MAP2K3: variants seen among roughly 807,000 people sequenced by gnomAD.
MAP2K3 encodes mitogen-activated protein kinase kinase 3.
In MAP2K3, 30 loss-of-function variants were observed where a neutral mutation model predicts 46.4. The observed-to-expected ratio is 0.65, with a 90% confidence interval of 0.48 to 0.88. The LOEUF is 0.88. MAP2K3 is among the 40% of genes least tolerant of loss of function. The probability of loss-of-function intolerance (pLI) is 0.00; values close to 1 mark genes in which losing one functional copy is unlikely to be tolerated. For missense variants in MAP2K3, 380 were observed against 464.5 expected (o/e 0.82, Z 1.67); for synonymous variants, 189 against 176.3 (o/e 1.07, Z -0.57).
At chr17:21,295,726 T>C in intron 1 of MAP2K3, 4 of 1,289,570 alleles carry the variant, frequency 3.1e-6, no homozygotes, top group Non-Finnish European at 4.0e-6. Context: ...GCGAGGAGCG[T>C]GGTCCCCACC....
At position 21,313,397 on chromosome 17, in the gene MAP2K3, C is replaced by T. The variant is rs546549156; in HGVS notation, c.915-95C>T. ...CCCTGGGTGCACGTGTCCCCTGCTG[C>T]TAGGCCTGGGGCAATCCTGGGGTGG... On this transcript the variant is annotated intron_variant, in intron 10 of 11. Transcript: ENST00000342679. The T allele has an allele frequency of 2.7e-4, 268 of 1,007,990 alleles. No homozygotes were observed. The African/African-American group carries it at 4.0e-3, about 15-fold the overall frequency. 62.4% of individuals were successfully genotyped at this position (1,007,990 alleles called of 1,614,324 possible).
At chr17:21,310,760 C>T (rs932702802) in intron 9 of MAP2K3, among the ~76,000 whole-genome samples, 8 of 152,368 alleles carry the variant, frequency 5.3e-5, no homozygotes, top group East Asian at 1.9e-4. Flanking sequence ...CGGCCCCTGG[C>T]GCTGGACATT....
intron 5 of MAP2K3, among the ~76,000 whole-genome samples, chr17:21,301,237 G>C (rs1976582400): frequency 6.6e-6 from 1 of 152,310 alleles, no homozygotes; most frequent in Non-Finnish European, 1.5e-5. Flanking sequence ...ACATGGCCTG[G>C]GGCCTGGCAT....
intron 9 of MAP2K3, among the ~76,000 whole-genome samples, chr17:21,307,774 T>C (rs1976965744): frequency 6.7e-6 from 1 of 148,862 alleles, no homozygotes; most frequent in Non-Finnish European, 1.5e-5. Context: ...GCCTCCTAGG[T>C]TCAAGTGATT....
At chr17:21,311,368 G>A (rs1398058688) in intron 9 of MAP2K3, among the ~76,000 whole-genome samples, 8 of 151,962 alleles carry the variant, frequency 5.3e-5, no homozygotes, top group Non-Finnish European at 1.2e-4. Flanking sequence ...TAGCTAGTCC[G>A]TCCCTTCCAT....
intron 1 of MAP2K3, among the ~76,000 whole-genome samples, chr17:21,292,295 A>G (rs1211816523): frequency 6.6e-6 from 1 of 152,304 alleles, no homozygotes; most frequent in African/African-American, 2.4e-5. Context: ...CCTTTATCAC[A>G]CAGTGCAGGA....
At chr17:21,299,692 A>G (rs1976480797) in intron 3 of MAP2K3, among the ~76,000 whole-genome samples, 1 of 149,700 alleles carries the variant, frequency 6.7e-6, no homozygotes, top group Non-Finnish European at 1.5e-5. Flanking sequence ...AAAAAAAAAA[A>G]AAAAAAAGAG....
At chr17:21,296,596 T>A (rs1040918696) in intron 1 of MAP2K3, among the ~76,000 whole-genome samples, 4 of 152,308 alleles carry the variant, frequency 2.6e-5, no homozygotes, top group Non-Finnish European at 5.9e-5. Flanking sequence ...GCCAGACCCC[T>A]GACTTGCTGT....
chr17:21,303,149 C>A, intron 6 of MAP2K3, 34 bp from the exon 7 acceptor site: 3 of 1,613,968 alleles, frequency 1.9e-6, no homozygotes. Context: ...ATAACAGAGT[C>A]CTGTCTCTTC....
intron 6 of MAP2K3, 33 bp from the exon 7 acceptor site, chr17:21,303,150 C>T (rs1166945140): frequency 6.2e-7 from 1 of 1,613,994 alleles, no homozygotes; most frequent in East Asian, 2.2e-5. Flanking sequence ...TAACAGAGTC[C>T]TGTCTCTTCC....
At chr17:21,286,496 C>G (rs1028235236) in intron 1 of MAP2K3, among the ~76,000 whole-genome samples, 1 of 152,160 alleles carries the variant, frequency 6.6e-6, no homozygotes, top group Non-Finnish European at 1.5e-5. Flanking sequence ...AGTGGGAGGC[C>G]GGATCCCTGA....
At chr17:21,289,439 TTGGGGGGTGG>T (rs1360598969) in intron 1 of MAP2K3, among the ~76,000 whole-genome samples, 1 of 151,606 alleles carries the variant, frequency 6.6e-6, no homozygotes, top group Non-Finnish European at 1.5e-5. Context: ...GTCAGGGGTG[TTGGGGGGTGG>T]TGGGCCAAGC....
intron 3 of MAP2K3, 72 bp from the exon 4 acceptor site, chr17:21,300,473 A>G (rs935323804): frequency 2.1e-6 from 3 of 1,455,944 alleles, no homozygotes; most frequent in Admixed American, 2.0e-5. Flanking sequence ...CTGCCCAGGT[A>G]TCTCCACTGG....
At chr17:21,299,098 T>C (rs1976441881) in intron 3 of MAP2K3, among the ~76,000 whole-genome samples, 172 bp downstream of exon 3, 1 of 152,280 alleles carries the variant, frequency 6.6e-6, no homozygotes, top group Admixed American at 6.5e-5. Flanking sequence ...CCACCCACTC[T>C]TTGACCCTCC....
chr17:21,313,587 C>CTGGGTGGGGG lies in MAP2K3; in HGVS notation c.960+59_960+60insGTGGGTGGGG. 6.4e-6 allele frequency: 4 copies of CTGGGTGGGGG among 624,664 alleles called. No homozygotes were observed. The East Asian group carries it at 1.3e-4, about 20-fold the overall frequency. 38.7% of individuals were successfully genotyped at this position (624,664 alleles called of 1,614,324 possible). A position where few individuals can be genotyped will look rare whatever the true frequency, so the allele number is the denominator to read the frequency against. On this transcript the variant is annotated intron_variant, in intron 11 of 11. Coordinates refer to ENST00000342679, the MANE Select transcript of MAP2K3 (RefSeq NM_145109.3). ...CCCTGCTCTTCAGGGCTGGCTGGGG[C>CTGGGTGGGGG]TGGGTGGGGCTCTGGGGAGAGGGCT...
At chr17:21,313,441 G>T in intron 10 of MAP2K3, 51 bp from the exon 11 acceptor site, 2 of 1,563,490 alleles carry the variant, frequency 1.3e-6, no homozygotes, top group Non-Finnish European at 1.8e-6. Context: ...GCCCTTGGGG[G>T]CTGGGCTTCC....
intron 9 of MAP2K3, among the ~76,000 whole-genome samples, chr17:21,308,996 C>T (rs1411960840): frequency 2.6e-5 from 4 of 152,308 alleles, no homozygotes; most frequent in African/African-American, 7.2e-5. Context: ...TCTCATGTTT[C>T]CACCACTGTG....
At chr17:21,296,495 C>A (rs1453943150) in intron 1 of MAP2K3, among the ~76,000 whole-genome samples, 1 of 152,312 alleles carries the variant, frequency 6.6e-6, no homozygotes, top group Admixed American at 6.5e-5. Context: ...CCTCCTTCCG[C>A]CTCAGGGAGG....
At chr17:21,287,974 C>T in intron 1 of MAP2K3, 1 of 1,242,164 alleles carries the variant, frequency 8.1e-7, no homozygotes, top group Non-Finnish European at 1.1e-6. Flanking sequence ...TTCCCCCACC[C>T]CTCTTGTGAC....
Sources: gnomAD v4.1 joint callset for allele counts (sites outside exome capture counted in the v4.1 genomes callset) on GRCh38, gnomAD v4.1.1 for gene constraint, MANE v1.5 for transcripts, NCBI Gene and HGNC (gene_info 2026-07-23, HGNC 2026-07-21) for gene names.